The following STK3 variants were observed in gnomAD, a reference collection of about 807,000 sequenced individuals.
STK3 encodes serine/threonine kinase 3.
Under a neutral mutation model 58.0 loss-of-function variants are expected in STK3, and 41 were observed. That is an observed-to-expected ratio of 0.71 (90% confidence interval 0.55 to 0.92). The LOEUF is 0.92. STK3 is among the 40% of genes least tolerant of loss of function. STK3 has a pLI of 0.00. For missense variants in STK3, 479 were observed against 602.7 expected, an observed-to-expected ratio of 0.79 and a Z score of 2.15; for synonymous variants, 170 against 191.0, an observed-to-expected ratio of 0.89 and a Z score of 0.91.
Position 98,918,983 on chromosome 8 carries a change from G to A in STK3, c.-79+23395C>T, listed in dbSNP as rs139698372. 6.8e-4 allele frequency among the ~76,000 whole-genome samples: 104 copies of A among 151,874 alleles called. 1 individual carries two copies. Among genetic ancestry groups the A allele is most frequent in the Admixed American group, 1.5e-3 (23 of 15,244 alleles). On this transcript the variant is annotated intron_variant, in intron 1 of 1. Transcript: ENST00000519420. ...CCAAGCAGAAGAAAGGGTTAGGGGA[G>A]CTGGCTAAGGGAGATGGGCTCAAAA... is the stretch of plus-strand genomic sequence containing the variant.
chr8:98,412,048 C>T (rs1818064152), intron 3 of STK3, among the ~76,000 whole-genome samples: 1 of 152,244 alleles, frequency 6.6e-6, no homozygotes, highest in South Asian at 2.1e-4. Context: ...CACAGCCACT[C>T]TTTGCCAAAA....
intron 1 of STK3, among the ~76,000 whole-genome samples, chr8:98,896,464 ACACACC>A (rs1838449932): frequency 6.6e-6 from 1 of 152,182 alleles, no homozygotes; most frequent in African/African-American, 2.4e-5. Flanking sequence ...TCACTTCCCA[ACACACC>A]CACTTCCTGA....
Position 98,579,673 on chromosome 8 carries a change from T to C in STK3, c.939A>G (p.Glu313=). Residue 313 remains glutamate, a synonymous_variant, in exon 8 of 11, where the codon GAA becomes GAG. Coordinates refer to ENST00000419617, the MANE Select transcript of STK3 (RefSeq NM_006281.4). ...GAAGATAATTACAAACCGAATTTTC[T>C]TCTTCCTCTTCCAATTCTCGTTGCT... ...EEQQRELEEE[E]ENSDEDELDS... The C allele has an allele frequency of 6.2e-7, 1 of 1,605,168 alleles. No homozygotes were observed. Among genetic ancestry groups the C allele is most frequent in the African/African-American group, 1.3e-5 (1 of 74,616 alleles).
At position 98,702,592 on chromosome 8, in the gene STK3, C is replaced by T. The variant is rs372341177; in HGVS notation, c.684+3875G>A. 3.9e-5 allele frequency among the ~76,000 whole-genome samples: 6 copies of T among 152,262 alleles called. No homozygotes were observed. The South Asian group carries it at 8.3e-4, about 21-fold the overall frequency. On this transcript the variant is annotated intron_variant, in intron 6 of 10. Transcript: ENST00000419617. Reference sequence around the variant, plus strand: ...TACTACTTTACAAACAGGCCTGGTACCTAAACACGGTAAAAGGCTGAGAAA... The same window carrying T: ...TACTACTTTACAAACAGGCCTGGTATCTAAACACGGTAAAAGGCTGAGAAA...
chr8:98,689,166 A>G (rs1047224781), intron 6 of STK3, among the ~76,000 whole-genome samples: 1 of 152,188 alleles, frequency 6.6e-6, no homozygotes, highest in South Asian at 2.1e-4. Flanking sequence ...GAGGAAATTG[A>G]TTAATTCCTG....
At chr8:98,629,998 A>C (rs1015883697) in intron 6 of STK3, among the ~76,000 whole-genome samples, 3 of 152,152 alleles carry the variant, frequency 2.0e-5, no homozygotes, top group Admixed American at 6.5e-5. Flanking sequence ...GACTATGCCG[A>C]CATTATTAAA....
At chr8:98,635,752 T>A (rs902211853) in intron 6 of STK3, among the ~76,000 whole-genome samples, 2 of 152,120 alleles carry the variant, frequency 1.3e-5, no homozygotes, top group African/African-American at 4.8e-5. Context: ...TATAAACATG[T>A]ATATATAACA....
chr8:98,909,522 T>A (rs974413825), intron 1 of STK3, among the ~76,000 whole-genome samples: 4 of 152,118 alleles, frequency 2.6e-5, no homozygotes, highest in Non-Finnish European at 1.5e-5. Flanking sequence ...ACCCATCCCC[T>A]CCCCCAGGCC....
At chr8:98,425,158 A>G (rs1482468953) in intron 3 of STK3, among the ~76,000 whole-genome samples, 1 of 152,228 alleles carries the variant, frequency 6.6e-6, no homozygotes, top group Non-Finnish European at 1.5e-5. Flanking sequence ...ATGGGGATGA[A>G]GGAGATCCAG....
intron 1 of STK3, among the ~76,000 whole-genome samples, chr8:98,889,575 CA>C (rs1455851908): frequency 5.9e-5 from 9 of 152,176 alleles, no homozygotes; most frequent in Non-Finnish European, 1.3e-4. Flanking sequence ...ATCTTATCTC[CA>C]GTGTCCTTGG....
rs1819367878 is a variant in STK3 at position 98,454,746 on chromosome 8, C to G, written c.*1096G>C. On this transcript the variant is annotated 3_prime_UTR_variant, in exon 11 of 11. Coordinates refer to ENST00000419617, the MANE Select transcript of STK3 (RefSeq NM_006281.4). ...ATATGTAGCTTAGGAAATGACTGGT[C>G]CCAATGCAATCATATAAATGTTCAT... 6.6e-6 allele frequency: 1 copy of G among 152,442 alleles called. No individual in the cohort carries two copies. Among genetic ancestry groups the G allele is most frequent in the African/African-American group, 2.4e-5 (1 of 41,386 alleles). The allele number at this position is 152,442 out of a possible 1,614,324, so 9.4% of individuals were successfully genotyped here.
chr8:98,630,105 G>A (rs559836611), intron 6 of STK3, among the ~76,000 whole-genome samples: 12 of 152,120 alleles, frequency 7.9e-5, no homozygotes, highest in African/African-American at 2.9e-4. Context: ...AGCTATTTCT[G>A]CCTCCTAAAC....
chr8:98,484,082 C>CTTAAAGACTTAATACTAAGTATTTAAGTA (rs1822051923), intron 10 of STK3, among the ~76,000 whole-genome samples: 1 of 141,846 alleles, frequency 7.0e-6, no homozygotes, highest in African/African-American at 2.6e-5. Flanking sequence ...GCCACCATGA[C>CTTAAAGACTTAATACTAAGTATTTAAGTA]TTAAAGACTT....
intron 3 of STK3, among the ~76,000 whole-genome samples, chr8:98,861,689 G>T (rs371003013): frequency 1.3e-3 from 191 of 152,260 alleles, no homozygotes; most frequent in African/African-American, 4.3e-3. Flanking sequence ...TCTCTGTTAC[G>T]AGAGAATGGC....
At chr8:98,749,000 G>A (rs918042868) in intron 4 of STK3, among the ~76,000 whole-genome samples, 3 of 151,320 alleles carry the variant, frequency 2.0e-5, no homozygotes, top group African/African-American at 7.3e-5. Context: ...ACACACACAC[G>A]CTGATTCCAA....
Position 98,461,417 on chromosome 8 carries a change from T to C in STK3, c.1318-5417A>G, listed in dbSNP as rs531002265. On this transcript the variant is annotated intron_variant, in intron 10 of 10. Coordinates refer to ENST00000419617, the MANE Select transcript of STK3 (RefSeq NM_006281.4). Reference sequence around the variant, plus strand: ...CTCTTGAAGACAGCAGATATGTGGTTTGTAATTTTTTATCAATTCTGCCAA... The same window carrying C: ...CTCTTGAAGACAGCAGATATGTGGTCTGTAATTTTTTATCAATTCTGCCAA... 2.6e-5 allele frequency among the ~76,000 whole-genome samples: 4 copies of C among 152,346 alleles called. No homozygotes were observed. The East Asian group carries it at 5.8e-4, about 22-fold the overall frequency.
chr8:98,462,844 C>T (rs1360238585), intron 10 of STK3: 1 of 152,156 alleles, frequency 6.6e-6, no homozygotes, highest in Non-Finnish European at 1.5e-5. Context: ...TGGTTTAGAT[C>T]AATTGCTGGA....
At chr8:98,434,375 C>T (rs1291255994) in intron 2 of STK3, 2 of 152,192 alleles carry the variant, frequency 1.3e-5, no homozygotes, top group African/African-American at 4.8e-5. Flanking sequence ...GGATGCCTTA[C>T]ATCTTAAAAG....
At chr8:98,522,084 A>G (rs1825407804) in intron 10 of STK3, among the ~76,000 whole-genome samples, 1 of 152,182 alleles carries the variant, frequency 6.6e-6, no homozygotes, top group East Asian at 1.9e-4. Context: ...GAATTTCCAG[A>G]TAGAATGACT....
Sources: gnomAD v4.1 joint callset for allele counts (sites outside exome capture counted in the v4.1 genomes callset) on GRCh38, gnomAD v4.1.1 for gene constraint, MANE v1.5 for transcripts, NCBI Gene and HGNC (gene_info 2026-07-23, HGNC 2026-07-21) for gene names.